The following COL1A2 variants were observed in gnomAD, a reference collection of about 807,000 sequenced individuals.
COL1A2 encodes the protein collagen type I alpha 2 chain.
COL1A2 carries 49 observed loss-of-function variants against 174.3 expected under a neutral mutation model. The ratio of observed to expected loss-of-function variants is 0.28; its 90% CI spans 0.22 to 0.36. COL1A2 has a LOEUF of 0.36. COL1A2 is among the 10% of genes least tolerant of loss of function. The pLI, the probability that COL1A2 is intolerant of heterozygous loss-of-function variation, is 1.00. For missense variants in COL1A2, 1,438 were observed against 1,822.7 expected, an observed-to-expected ratio of 0.79 and a Z score of 3.84; for synonymous variants, 655 against 606.6, an observed-to-expected ratio of 1.08 and a Z score of -1.17.
chr7:94,397,067 AC>A (rs1360340748), intron 1 of COL1A2, among the ~76,000 whole-genome samples: 1 of 152,140 alleles, frequency 6.6e-6, no homozygotes, highest in East Asian at 1.9e-4. Flanking sequence ...TTTCTCCGAG[AC>A]AAAAATGATA....
Position 94,429,302 on chromosome 7 carries a change from A to G in COL1A2, c.3826A>G (p.Ile1276Val). The G allele has an allele frequency of 6.2e-6, 10 of 1,614,084 alleles. No individual in the cohort carries two copies. Among genetic ancestry groups the G allele is most frequent in the Non-Finnish European group, 8.5e-6 (10 of 1,179,998 alleles). Residue 1276 changes from isoleucine to valine, a missense_variant, in exon 51 of 52, where the codon ATT (isoleucine) becomes GTT (valine). By Grantham distance (29) the Ile-to-Val change is conservative. Transcript: ENST00000297268. ...QNITYHCKNSIAYMDEETGNL... is the reference protein window; with the variant it reads ...QNITYHCKNSVAYMDEETGNL... Reference sequence around the variant, plus strand: ...CATCACCTACCACTGCAAGAACAGCATTGCATACATGGATGAGGAGACTGG... The same window carrying G: ...CATCACCTACCACTGCAAGAACAGCGTTGCATACATGGATGAGGAGACTGG...
At chr7:94,428,805 T>G (rs754877344) in intron 50 of COL1A2, among the ~76,000 whole-genome samples, 1 of 152,240 alleles carries the variant, frequency 6.6e-6, no homozygotes, top group African/African-American at 2.4e-5. Context: ...TTTTCTGAAT[T>G]TTTAATCAAA....
In COL1A2 at chr7:94,404,836, T is replaced by A; in HGVS notation, c.379-3T>A. The A allele has an allele frequency of 6.2e-7, 1 of 1,614,128 alleles. No individual in the cohort carries two copies. Among genetic ancestry groups the A allele is most frequent in the Non-Finnish European group, 8.5e-7 (1 of 1,180,002 alleles). The stretch of plus-strand genomic sequence containing the variant: ...TGAAATGATGGGTCTCCCATTTTCT[T>A]AGGGTCCTGCAGGTGCTCGTGGTCC... On this transcript the variant is annotated splice_polypyrimidine_tract_variant and splice_region_variant and intron_variant, in intron 8 of 51. Transcript: ENST00000297268.
At chr7:94,400,153 C>T (rs1791661380) in intron 4 of COL1A2, 43 bp from the exon 5 acceptor site, 1 of 1,572,656 alleles carries the variant, frequency 6.4e-7, no homozygotes, top group Non-Finnish European at 8.8e-7. Context: ...TAGGTTTCTA[C>T]AGGGCCTGTC....
Position 94,400,435 on chromosome 7 carries a change from A to G in COL1A2, c.225+147A>G, listed in dbSNP as rs576390279. 1,158 of 793,316 alleles carry G rather than the reference A, an allele frequency of 1.5e-3. 2 individuals carry two copies. The highest frequency in any genetic ancestry group is 1.9e-3 in the Non-Finnish European group (902 of 484,374). The allele number at this position is 793,316 out of a possible 1,614,324, so 49.1% of individuals were successfully genotyped here. On this transcript the variant is annotated intron_variant, in intron 5 of 51. Transcript: ENST00000297268. Reference sequence around the variant, plus strand: ...CATTTATTTGGTTTTTTCACTCAAGATTCTGCTTTACCCATTCTCTTTGTG... The same window carrying G: ...CATTTATTTGGTTTTTTCACTCAAGGTTCTGCTTTACCCATTCTCTTTGTG...
chr7:94,420,084 C>A, intron 34 of COL1A2, 149 bp from the exon 35 acceptor site: 1 of 1,053,810 alleles, frequency 9.5e-7, no homozygotes, highest in South Asian at 1.3e-5. Context: ...AGTAAAAATC[C>A]ACTTCATTTT....
chr7:94,411,966 A>G, intron 23 of COL1A2, 102 bp from the exon 24 acceptor site: 1 of 955,814 alleles, frequency 1.0e-6, no homozygotes, highest in Non-Finnish European at 1.7e-6. Context: ...GCAACAAACA[A>G]AAAGTCGGGG....
Position 94,429,199 on chromosome 7 carries a change from T to C in COL1A2, c.3723T>C (p.Asn1241=). The part of the protein sequence containing the change: ...TINAGSQFEY[N]VEGVTSKEMA... ...CCTATTTTCTGTAGTTTGAATATAA[T>C]GTAGAAGGAGTGACTTCCAAGGAAA... The change falls in exon 51 of 52, where the codon AAT becomes AAC. Residue 1241 remains asparagine, a synonymous_variant. Transcript: ENST00000297268. 6.2e-7 allele frequency: 1 copy of C among 1,612,128 alleles called. No individual in the cohort carries two copies. The highest frequency in any genetic ancestry group is 8.5e-7 in the Non-Finnish European group (1 of 1,178,896).
intron 1 of COL1A2, 59 bp downstream of exon 1, chr7:94,395,160 C>T (rs763326494): frequency 3.5e-6 from 5 of 1,433,302 alleles, no homozygotes; most frequent in Non-Finnish European, 4.9e-6. Context: ...GGGAGGGCAC[C>T]CTGCCCTGAA....
chr7:94,413,111 GT>G lies in COL1A2; in HGVS notation c.1533del (p.His512MetfsTer170). 1 of 1,614,164 alleles carries G rather than the reference GT, an allele frequency of 6.2e-7. No individual in the cohort carries two copies. Among genetic ancestry groups the G allele is most frequent in the Non-Finnish European group, 8.5e-7 (1 of 1,180,032 alleles). On this transcript the variant is annotated frameshift_variant, in exon 26 of 52. Coordinates refer to ENST00000297268, the MANE Select transcript of COL1A2 (RefSeq NM_000089.4). LOFTEE classifies it high-confidence loss of function. The stretch of plus-strand genomic sequence containing the variant: ...GATCCTGGCAAAAACGGTGATAAAG[GT>G]CATGCTGGTCTTGCTGGTGCTCGGG... ...TGDPGKNGDKGHAGLAGARGA... is the reference protein window; with the variant it reads ...TGDPGKNGDKXHAGLAGARGA...
intron 6 of COL1A2, among the ~76,000 whole-genome samples, chr7:94,402,550 C>T (rs1384422172): frequency 6.6e-6 from 1 of 151,880 alleles, no homozygotes; most frequent in Admixed American, 6.6e-5. Flanking sequence ...ACAAATGAAG[C>T]TTCTAACAAG....
At chr7:94,420,110 C>A in intron 34 of COL1A2, 123 bp from the exon 35 acceptor site, 11 of 1,230,888 alleles carry the variant, frequency 8.9e-6, no homozygotes, top group Non-Finnish European at 1.1e-5. Context: ...GTGAGATGTG[C>A]GTCAGTTATC....
At chr7:94,410,815 A>G in intron 21 of COL1A2, 74 bp from the exon 22 acceptor site, 2 of 1,518,372 alleles carry the variant, frequency 1.3e-6, no homozygotes, top group South Asian at 2.3e-5. Flanking sequence ...AGATCATGCT[A>G]TTTTTTACAA....
chr7:94,413,739 C>T lies in COL1A2; in HGVS notation c.1607C>T (p.Pro536Leu), dbSNP rs1456907715. ...GNNGAQGPPG[P>L]QGVQGGKGEQ... ...AATGGTGCTCAGGGACCTCCTGGACCACAGGTGAGTATTTCTCCCACTCTT... is the reference window on the plus strand; with the variant it reads ...AATGGTGCTCAGGGACCTCCTGGACTACAGGTGAGTATTTCTCCCACTCTT... The change falls in exon 27 of 52, where the codon CCA becomes CTA. Residue 536 changes from proline to leucine, a missense_variant. Pro to Leu is a moderately conservative substitution (Grantham distance 98). Around this residue, in one of 3 missense-constraint regions of COL1A2, gnomAD observed 867 missense variants for 1,213.7 expected, o/e 0.71. Coordinates refer to ENST00000297268, the MANE Select transcript of COL1A2 (RefSeq NM_000089.4). The T allele has an allele frequency of 6.2e-7, 1 of 1,614,158 alleles. No homozygotes were observed.
At chr7:94,418,163 G>A (rs1792080357) in intron 32 of COL1A2, among the ~76,000 whole-genome samples, 2 of 152,184 alleles carry the variant, frequency 1.3e-5, no homozygotes, top group African/African-American at 2.4e-5. Flanking sequence ...CATTAGTTAT[G>A]CCGTAAGAGT....
chr7:94,430,050 T>G (rs1196245818), intron 51 of COL1A2, 197 bp from the exon 52 acceptor site: 2 of 605,498 alleles, frequency 3.3e-6, no homozygotes, highest in East Asian at 5.6e-5. Flanking sequence ...TGTTTGTTTT[T>G]TGTTAGACTG....
chr7:94,410,936 C>A lies in COL1A2; in HGVS notation c.1245C>A (p.Gly415=). Reference sequence around the variant, plus strand: ...TTCCTGGAGCTGATGGCAGAGCTGGCGTCATGGTAAGCTGTCTATCACTTA... The same window carrying A: ...TTCCTGGAGCTGATGGCAGAGCTGGAGTCATGGTAAGCTGTCTATCACTTA... ...RGLPGADGRA[G]VMGPPGSRGA... is the part of the protein sequence containing the mutation. The change falls in exon 22 of 52, where the codon GGC becomes GGA. Residue 415 remains glycine, a synonymous_variant. Coordinates refer to ENST00000297268, the MANE Select transcript of COL1A2 (RefSeq NM_000089.4). 1 of 1,613,812 alleles carries A rather than the reference C, an allele frequency of 6.2e-7. No homozygotes were observed. The highest frequency in any genetic ancestry group is 2.2e-5 in the East Asian group (1 of 44,876).
chr7:94,421,102 C>G lies in COL1A2; in HGVS notation c.2349+40C>G, dbSNP rs112935840. The G allele has an allele frequency of 7.3e-4, 1,165 of 1,600,030 alleles. 9 individuals carry two copies. In the African/African-American group the frequency reaches 0.014, roughly 19 times the overall value. ...TGGACTCTCGCCGCTTTTCTTTTTTCAGAATCTATTAAGGACACTTGAAAG... is the reference window on the plus strand; with the variant it reads ...TGGACTCTCGCCGCTTTTCTTTTTTGAGAATCTATTAAGGACACTTGAAAG... On this transcript the variant is annotated intron_variant, in intron 38 of 51. Transcript: ENST00000297268.
intron 1 of COL1A2, among the ~76,000 whole-genome samples, chr7:94,397,468 CATT>C (rs2115850667): frequency 6.6e-6 from 1 of 152,182 alleles, no homozygotes; most frequent in East Asian, 1.9e-4. Context: ...CCTTCAGACA[CATT>C]AATATTTCAC....
Sources: allele counts gnomAD v4.1 joint callset (sites outside exome capture counted in the v4.1 genomes callset), GRCh38; gene constraint gnomAD v4.1.1; regional missense constraint gnomAD v4.1.1; transcripts MANE v1.5; gene names NCBI Gene and HGNC (gene_info 2026-07-23, HGNC 2026-07-21).